SYNE1: variants seen among roughly 807,000 people sequenced by gnomAD.
SYNE1 encodes spectrin repeat containing nuclear envelope protein 1.
Under a neutral mutation model 1,111.0 loss-of-function variants are expected in SYNE1, and 616 were observed. That is an observed-to-expected ratio of 0.55 (90% CI 0.52 to 0.59). The LOEUF is 0.59. Among genes scored for constraint, SYNE1 ranks in the 20% least tolerant of loss-of-function variants. The pLI is 0.00. For synonymous variants in SYNE1, 3,855 were observed against 3,825.8 expected (o/e 1.01, Z -0.28); for missense variants, 10,006 against 10,417.0 (o/e 0.96, Z 1.72).
chr6:152,265,112 A>G (rs1400119799), intron 100 of SYNE1, among the ~76,000 whole-genome samples: 2 of 149,906 alleles, frequency 1.3e-5, no homozygotes, highest in Admixed American at 6.7e-5. Flanking sequence ...AGGCTAAGGC[A>G]GGAGAATCAC....
intron 11 of SYNE1, among the ~76,000 whole-genome samples, chr6:152,496,722 GT>G (rs1217365384): frequency 6.6e-6 from 1 of 151,956 alleles, no homozygotes; most frequent in Non-Finnish European, 1.5e-5. Flanking sequence ...ATTTTGTTTT[GT>G]TTTTCTTATT....
At chr6:152,525,716 T>A (rs1348776164) in intron 5 of SYNE1, among the ~76,000 whole-genome samples, 1 of 152,222 alleles carries the variant, frequency 6.6e-6, no homozygotes, top group Non-Finnish European at 1.5e-5. Flanking sequence ...CCAACATTTC[T>A]TTCTAAATGG....
intron 45 of SYNE1, 148 bp from the exon 46 acceptor site, chr6:152,404,462 T>G: frequency 1.5e-6 from 1 of 648,464 alleles, no homozygotes; most frequent in Non-Finnish European, 2.8e-6. Flanking sequence ...TGAGGGCTGT[T>G]ATGATGTACA....
At position 152,325,406 on chromosome 6, in the gene SYNE1, G is replaced by A. The variant is rs1290532053; in HGVS notation, c.15439-104C>T. 32 of 1,103,072 alleles carry A rather than the reference G, an allele frequency of 2.9e-5. No homozygotes were observed. In the East Asian group the frequency reaches 7.7e-4, roughly 27 times the overall value. The allele number at this position is 1,103,072 out of a possible 1,614,324, so 68.3% of individuals were successfully genotyped here. On this transcript the variant is annotated intron_variant, in intron 80 of 145. Transcript: ENST00000367255. ...GTAAAGCCCAAAATTCCTGCAAAAG[G>A]AAATGTTTCTACATACGTTTATTCT... is the stretch of plus-strand genomic sequence containing the variant.
chr6:152,143,638 G>A lies in SYNE1; in HGVS notation c.25104C>T (p.Thr8368=), dbSNP rs201410027. 5.0e-6 allele frequency: 8 copies of A among 1,614,162 alleles called. No homozygotes were observed. In the East Asian group the frequency reaches 1.8e-4, roughly 36 times the overall value. The change falls in exon 138 of 146, where the codon ACC becomes ACT. Residue 8368 remains threonine (T), a synonymous_variant. Transcript: ENST00000367255. ...GGATACTTACGTAGCCTTTGTAGCT[G>A]GTGTCTAGCTCCGGCCCCGTGGGAG... ...SKTPTGPELD[T]SYKGYMKLLG...
chr6:152,196,387 G>A (rs2074121857), intron 127 of SYNE1, among the ~76,000 whole-genome samples: 1 of 152,004 alleles, frequency 6.6e-6, no homozygotes, highest in South Asian at 2.1e-4. Flanking sequence ...AATGTGCTAG[G>A]TCACACTTGA....
At chr6:152,262,385 A>G (rs2092123884) in intron 100 of SYNE1, among the ~76,000 whole-genome samples, 197 bp from the exon 101 acceptor site, 1 of 152,246 alleles carries the variant, frequency 6.6e-6, no homozygotes, top group African/African-American at 2.4e-5. Flanking sequence ...AAACTGAACC[A>G]TGTGCAGAAG....
chr6:152,302,927 A>T (rs1417139730), intron 91 of SYNE1, among the ~76,000 whole-genome samples: 1 of 152,110 alleles, frequency 6.6e-6, no homozygotes, highest in Non-Finnish European at 1.5e-5. Flanking sequence ...TAACCCTTAA[A>T]AAGGTAACTA....
chr6:152,159,729 C>T (rs62427480), intron 131 of SYNE1, among the ~76,000 whole-genome samples: 2,633 of 152,204 alleles, frequency 0.017, 35 homozygotes, highest in Middle Eastern at 0.041. Flanking sequence ...CTTGGCCTCT[C>T]GAAGTATTAG....
Position 152,584,334 on chromosome 6 carries a change from A to G in SYNE1, c.67+43931T>C, listed in dbSNP as rs905580720. 2.0e-5 allele frequency among the ~76,000 whole-genome samples: 3 copies of G among 152,208 alleles called. No individual in the cohort carries two copies. In the South Asian group the frequency reaches 6.2e-4, roughly 32 times the overall value. Reference sequence around the variant, plus strand: ...TACTTTAACTTTTTATACTTAATTTAGTGTGATTTATAATTTATAATCTAA... The same window carrying G: ...TACTTTAACTTTTTATACTTAATTTGGTGTGATTTATAATTTATAATCTAA... On this transcript the variant is annotated intron_variant, in intron 3 of 145. Transcript: ENST00000367255.
At chr6:152,313,717 G>A (rs1245843181) in intron 87 of SYNE1, among the ~76,000 whole-genome samples, 1 of 152,056 alleles carries the variant, frequency 6.6e-6, no homozygotes, top group Non-Finnish European at 1.5e-5. Flanking sequence ...ACCCCTCTTG[G>A]CCTCTCAAAG....
chr6:152,413,962 A>C (rs886923276), intron 41 of SYNE1, among the ~76,000 whole-genome samples: 1 of 150,634 alleles, frequency 6.6e-6, no homozygotes, highest in African/African-American at 2.4e-5. Flanking sequence ...TCAATATCAA[A>C]TTAGCTTTAC....
chr6:152,590,132 G>T (rs538356529), intron 3 of SYNE1, among the ~76,000 whole-genome samples: 1 of 150,042 alleles, frequency 6.7e-6, no homozygotes, highest in East Asian at 2.0e-4. Context: ...TTATTTTGTA[G>T]AGATGGGATC....
intron 53 of SYNE1, among the ~76,000 whole-genome samples, chr6:152,388,794 AATAGT>A (rs1394239228): frequency 3.9e-5 from 6 of 152,372 alleles, no homozygotes; most frequent in Admixed American, 2.6e-4. Flanking sequence ...TTCTTGCTGA[AATAGT>A]GGAGTCAAGG....
chr6:152,304,284 C>T (rs576215325), intron 91 of SYNE1, among the ~76,000 whole-genome samples: 10 of 152,270 alleles, frequency 6.6e-5, no homozygotes, highest in East Asian at 1.9e-4. Flanking sequence ...ACCAAGCTTT[C>T]GCACAATGGT....
intron 72 of SYNE1, among the ~76,000 whole-genome samples, chr6:152,349,080 G>A (rs1163962520): frequency 6.6e-6 from 1 of 152,184 alleles, no homozygotes; most frequent in Admixed American, 6.5e-5. Context: ...AGACAGAAAT[G>A]TTGCAGCCCA....
intron 10 of SYNE1, among the ~76,000 whole-genome samples, chr6:152,502,116 A>G (rs942066095): frequency 2.0e-5 from 3 of 152,146 alleles, no homozygotes; most frequent in Non-Finnish European, 4.4e-5. Context: ...ATGTAATTTG[A>G]GCAGCATGAA....
At position 152,319,193 on chromosome 6, in the gene SYNE1, CTT is replaced by C. The variant is rs549577396; in HGVS notation, c.16237-180_16237-179del. Among the ~76,000 whole-genome samples, 5 of 152,318 alleles carry C rather than the reference CTT, an allele frequency of 3.3e-5. 1 individual carries two copies. In the South Asian group the frequency reaches 1.0e-3, roughly 32 times the overall value. On this transcript the variant is annotated intron_variant, in intron 84 of 145. Coordinates refer to ENST00000367255, the MANE Select transcript of SYNE1 (RefSeq NM_182961.4). Reference sequence around the variant, plus strand: ...TCCTGGCTTTCCCTGACTTCACTATCTTTAAGTATTTACTGCACTCCTTGTGT... The same window carrying C: ...TCCTGGCTTTCCCTGACTTCACTATCTAAGTATTTACTGCACTCCTTGTGT...
In SYNE1 at chr6:152,549,655, G is replaced by A. The variant is rs559436894; in HGVS notation, c.68-9634C>T. ...CATGGATTGATGCGAAGGGACAGAC[G>A]AGAAGAGAGAAAATTAATAGCTATC... On this transcript the variant is annotated intron_variant, in intron 3 of 145. Coordinates refer to ENST00000367255, the MANE Select transcript of SYNE1 (RefSeq NM_182961.4). Among the ~76,000 whole-genome samples the A allele has an allele frequency of 3.9e-5, 6 of 152,290 alleles. No individual in the cohort carries two copies. In the South Asian group the frequency reaches 8.3e-4, roughly 21 times the overall value.
Sources: gnomAD v4.1 joint callset for allele counts (sites outside exome capture counted in the v4.1 genomes callset) on GRCh38, gnomAD v4.1.1 for gene constraint, MANE v1.5 for transcripts, NCBI Gene and HGNC (gene_info 2026-07-23, HGNC 2026-07-21) for gene names.